The following HHAT variants were observed in gnomAD, a reference collection of about 807,000 sequenced individuals.
The protein encoded by HHAT is protein-cysteine N-palmitoyltransferase HHAT.
Under a neutral mutation model 70.8 loss-of-function variants are expected in HHAT, and 47 were observed. That is an observed-to-expected ratio of 0.66 (90% CI 0.53 to 0.85). The LOEUF is 0.85. Among genes scored for constraint, HHAT ranks in the 40% least tolerant of loss-of-function variants. The pLI is 0.00. For synonymous variants in HHAT, 228 were observed against 247.6 expected, an observed-to-expected ratio of 0.92 and a Z score of 0.74; for missense variants, 609 against 604.8, an observed-to-expected ratio of 1.01 and a Z score of -0.07.
chr1:210,490,080 A>G (rs928872138), intron 8 of HHAT, among the ~76,000 whole-genome samples: 4 of 152,188 alleles, frequency 2.6e-5, no homozygotes, highest in African/African-American at 7.2e-5. Flanking sequence ...AAATTCCTCA[A>G]TTGTTTTTAG....
intron 10 of HHAT, among the ~76,000 whole-genome samples, chr1:210,607,373 T>C (rs1216102407): frequency 1.5e-5 from 1 of 67,970 alleles, no homozygotes; most frequent in Non-Finnish European, 4.4e-5. Context: ...CAGAGATGTT[T>C]ATGTTGTTTA....
At position 210,674,331 on chromosome 1, in the gene HHAT, C is replaced by T; in HGVS notation, c.1434C>T (p.Cys478=). The T allele has an allele frequency of 1.2e-6, 2 of 1,614,182 alleles. No homozygotes were observed. The highest frequency in any genetic ancestry group is 1.7e-6 in the Non-Finnish European group (2 of 1,180,012). Residue 478 remains cysteine, a synonymous_variant, in exon 12 of 12, where the codon TGC becomes TGT. Transcript: ENST00000261458. ...TCTCTGTCCTGGGATTCCTGTACTG[C>T]TACTCCCACGTGGGCATTGCCTGGG... ...VTLSVLGFLY[C]YSHVGIAWAQ...
intron 9 of HHAT, among the ~76,000 whole-genome samples, chr1:210,540,501 A>G (rs1160832741): frequency 7.5e-6 from 1 of 132,740 alleles, no homozygotes; most frequent in Non-Finnish European, 1.7e-5. Context: ...GCACACACAC[A>G]TGCACACACA....
chr1:210,584,053 C>T lies in HHAT; in HGVS notation c.1044-3845C>T, dbSNP rs531670397. ...CCGCCTCCCAGGTTCAAGCAATTCC[C>T]GGGCTAAGCCTCCCGAGTAGCTGAG... On this transcript the variant is annotated intron_variant, in intron 9 of 11. Transcript: ENST00000261458. Among the ~76,000 whole-genome samples the T allele has an allele frequency of 6.5e-5, 9 of 137,976 alleles. No individual in the cohort carries two copies. In the South Asian group the frequency reaches 7.0e-4, roughly 11 times the overall value. The allele number at this position is 137,976 out of a possible 152,430, so 90.5% of individuals were successfully genotyped here.
intron 9 of HHAT, among the ~76,000 whole-genome samples, chr1:210,539,142 G>A (rs1422502140): frequency 6.6e-6 from 1 of 151,760 alleles, no homozygotes; most frequent in East Asian, 1.9e-4. Context: ...TTGAATTATG[G>A]AACAAAAGAA....
At chr1:210,400,888 T>C (rs1256929242) in intron 5 of HHAT, among the ~76,000 whole-genome samples, 1 of 152,188 alleles carries the variant, frequency 6.6e-6, no homozygotes. Flanking sequence ...GGGCTGGCCC[T>C]GTACCATCTC....
rs533215382 is a variant in HHAT at position 210,616,844 on chromosome 1, T to G, written c.1246-6682T>G. Among the ~76,000 whole-genome samples the G allele has an allele frequency of 4.0e-3, 611 of 152,336 alleles. 1 individual carries two copies. Among genetic ancestry groups the G allele is most frequent in the Admixed American group, 7.3e-3 (112 of 15,304 alleles). On this transcript the variant is annotated intron_variant, in intron 10 of 11. Coordinates refer to ENST00000261458, the MANE Select transcript of HHAT (RefSeq NM_018194.6). ...TAAAATATGAATAGTTTTTACCTACTTTACAGTATAAGTAAAGCTGCTCAC... is the reference window on the plus strand; with the variant it reads ...TAAAATATGAATAGTTTTTACCTACGTTACAGTATAAGTAAAGCTGCTCAC...
intron 11 of HHAT, among the ~76,000 whole-genome samples, chr1:210,647,958 T>G (rs1222198311): frequency 3.9e-5 from 6 of 152,034 alleles, no homozygotes; most frequent in Non-Finnish European, 8.8e-5. Context: ...TAGTAAAGAG[T>G]CTGGCTCCGT....
chr1:210,440,102 T>C (rs532355076), intron 7 of HHAT, among the ~76,000 whole-genome samples: 5 of 151,906 alleles, frequency 3.3e-5, no homozygotes, highest in East Asian at 1.9e-4. Context: ...AATTTAGGAA[T>C]TGGAGCCTGT....
At chr1:210,529,287 A>C (rs556344889) in intron 9 of HHAT, among the ~76,000 whole-genome samples, 45 of 151,294 alleles carry the variant, frequency 3.0e-4, no homozygotes, top group African/African-American at 1.0e-3. Flanking sequence ...CCTGGGCAAC[A>C]GAACGAGACT....
chr1:210,579,693 G>A (rs974655981), intron 9 of HHAT, among the ~76,000 whole-genome samples: 3 of 152,186 alleles, frequency 2.0e-5, no homozygotes, highest in South Asian at 4.1e-4. Flanking sequence ...CAGGGCCAAG[G>A]TCACATCTTC....
intron 11 of HHAT, among the ~76,000 whole-genome samples, chr1:210,656,960 G>A (rs1476080326): frequency 2.0e-5 from 3 of 152,188 alleles, no homozygotes; most frequent in Admixed American, 6.5e-5. Context: ...GCCTCTACCT[G>A]TGTTCCCCAC....
chr1:210,513,888 C>T (rs777326925), intron 9 of HHAT, among the ~76,000 whole-genome samples: 9 of 152,174 alleles, frequency 5.9e-5, no homozygotes, highest in Non-Finnish European at 1.3e-4. Context: ...AAATGGTTGC[C>T]GAAAGACTGC....
intron 7 of HHAT, among the ~76,000 whole-genome samples, chr1:210,451,552 A>G (rs1237938697): frequency 6.6e-6 from 1 of 152,158 alleles, no homozygotes; most frequent in Non-Finnish European, 1.5e-5. Context: ...GAAAACTGCT[A>G]TTTACACTTT....
At chr1:210,464,718 G>A (rs1480658888) in intron 8 of HHAT, 63 bp downstream of exon 8, 30 of 1,568,758 alleles carry the variant, frequency 1.9e-5, no homozygotes, top group South Asian at 5.6e-5. Flanking sequence ...TGGCTGGGCC[G>A]GCCTCAAAGG....
At chr1:210,614,939 G>A (rs1210739069) in intron 10 of HHAT, among the ~76,000 whole-genome samples, 1 of 152,178 alleles carries the variant, frequency 6.6e-6, no homozygotes, top group Admixed American at 6.5e-5. Flanking sequence ...TAATGGGATG[G>A]CTGGGTCAAA....
intron 10 of HHAT, among the ~76,000 whole-genome samples, chr1:210,592,024 A>G (rs1661832476): frequency 6.6e-6 from 1 of 151,842 alleles, no homozygotes; most frequent in Non-Finnish European, 1.5e-5. Context: ...TGTGCAAAAA[A>G]CTTTTAACTT....
intron 10 of HHAT, among the ~76,000 whole-genome samples, chr1:210,610,349 A>G (rs965131634): frequency 1.3e-5 from 2 of 148,834 alleles, no homozygotes; most frequent in African/African-American, 4.8e-5. Context: ...TCCTTTCCCT[A>G]CTTTTTAATG....
Position 210,401,449 on chromosome 1 carries a change from T to C in HHAT, c.468+787T>C, listed in dbSNP as rs896647136. Among the ~76,000 whole-genome samples the C allele has an allele frequency of 2.6e-5, 4 of 152,120 alleles. No individual in the cohort carries two copies. The East Asian group carries it at 7.7e-4, about 29-fold the overall frequency. ...TTTATTATCTACTCATGTGACCCAG[T>C]GGAAGCTCTTTCAATTTAGGTAGTG... On this transcript the variant is annotated intron_variant, in intron 5 of 11. Transcript: ENST00000261458.
Sources: gnomAD v4.1 joint callset for allele counts (sites outside exome capture counted in the v4.1 genomes callset) on GRCh38, gnomAD v4.1.1 for gene constraint, MANE v1.5 for transcripts, NCBI Gene and HGNC (gene_info 2026-07-23, HGNC 2026-07-21) for gene names.